RNF141: variants seen among roughly 807,000 people sequenced by gnomAD.
The protein encoded by RNF141 is C3HC4-like zinc finger protein.
Under a neutral mutation model 27.4 loss-of-function variants are expected in RNF141, and 18 were observed. The ratio of observed to expected loss-of-function variants is 0.66; its 90% confidence interval spans 0.45 to 0.97. The LOEUF (loss-of-function observed/expected upper bound fraction) is 0.97. Among genes scored for constraint, RNF141 ranks in the 50% least tolerant of loss-of-function variants. The pLI, the probability that RNF141 is intolerant of heterozygous loss-of-function variation, is 0.00. For missense variants in RNF141, 230 were observed against 279.4 expected, an observed-to-expected ratio of 0.82 and a Z score of 1.26; for synonymous variants, 97 against 96.6, an observed-to-expected ratio of 1.00 and a Z score of -0.02.
At chr11:10,527,021 G>T (rs1849942259) in intron 3 of RNF141, among the ~76,000 whole-genome samples, 1 of 152,216 alleles carries the variant, frequency 6.6e-6, no homozygotes, top group Non-Finnish European at 1.5e-5. Context: ...TAGTCCTTTG[G>T]AACTGCATAG....
chr11:10,514,708 G>A lies in RNF141; in HGVS notation c.*208C>T. On this transcript the variant is annotated 3_prime_UTR_variant, in exon 6 of 6. Coordinates refer to ENST00000265981, the MANE Select transcript of RNF141 (RefSeq NM_016422.4). ...GAACAGATAAATAATAGGAAAATAT[G>A]GTCTAAAACAGTAGCAAATTTTAGT... is the stretch of plus-strand genomic sequence containing the variant. The A allele has an allele frequency of 2.2e-6, 1 of 453,586 alleles. No individual in the cohort carries two copies. Among genetic ancestry groups the A allele is most frequent in the Non-Finnish European group, 3.8e-6 (1 of 261,156 alleles). The allele number at this position is 453,586 out of a possible 1,614,324, so 28.1% of individuals were successfully genotyped here.
At chr11:10,536,515 ATTT>A (rs2133976857) in intron 1 of RNF141, among the ~76,000 whole-genome samples, 1 of 152,344 alleles carries the variant, frequency 6.6e-6, no homozygotes, top group East Asian at 1.9e-4. Context: ...CTTACATGCT[ATTT>A]AATATGACTA....
chr11:10,525,432 C>A, intron 3 of RNF141, 59 bp from the exon 4 acceptor site: 2 of 1,306,324 alleles, frequency 1.5e-6, no homozygotes, highest in African/African-American at 1.5e-5. Context: ...CAATTTTTCC[C>A]AAAAAGGGGG....
At chr11:10,519,011 C>T (rs1338145983) in intron 5 of RNF141, 23 bp downstream of exon 5, 1 of 1,591,646 alleles carries the variant, frequency 6.3e-7, no homozygotes, top group Non-Finnish European at 8.6e-7. Context: ...TGGCCCAGCC[C>T]ATGAATGCAG....
chr11:10,529,558 A>C (rs954689948), intron 3 of RNF141, among the ~76,000 whole-genome samples: 2 of 152,224 alleles, frequency 1.3e-5, no homozygotes, highest in Non-Finnish European at 2.9e-5. Flanking sequence ...TTGGAGTCAT[A>C]TTGTAGGAGT....
At chr11:10,534,552 T>C (rs567136509) in intron 1 of RNF141, among the ~76,000 whole-genome samples, 3 of 152,260 alleles carry the variant, frequency 2.0e-5, no homozygotes, top group Admixed American at 2.0e-4. Context: ...CTTCTATAAT[T>C]TTCCTAAGAA....
intron 1 of RNF141, among the ~76,000 whole-genome samples, chr11:10,538,671 T>C (rs1850058363): frequency 6.6e-6 from 1 of 152,218 alleles, no homozygotes; most frequent in Non-Finnish European, 1.5e-5. Context: ...CCATTGGCAG[T>C]TTTTGTTTTA....
At chr11:10,517,898 T>C (rs1387608659) in intron 5 of RNF141, among the ~76,000 whole-genome samples, 1 of 152,138 alleles carries the variant, frequency 6.6e-6, no homozygotes, top group Non-Finnish European at 1.5e-5. Context: ...TATTTCCATA[T>C]ACTAGTATCA....
chr11:10,538,104 T>C (rs1036967669), intron 1 of RNF141, among the ~76,000 whole-genome samples: 8 of 152,238 alleles, frequency 5.3e-5, no homozygotes, highest in African/African-American at 1.9e-4. Flanking sequence ...TAGAAAATGA[T>C]CCCCTTTGTT....
At chr11:10,516,360 C>G (rs548245615) in intron 5 of RNF141, 1 of 152,184 alleles carries the variant, frequency 6.6e-6, no homozygotes, top group African/African-American at 2.4e-5. Flanking sequence ...ACAGTGATCC[C>G]TGGGACATGG....
Position 10,519,033 on chromosome 11 carries a change from C to A in RNF141, c.542+1G>T, listed in dbSNP as rs1167145512. ...GCCCATGAATGCAGTAGGTAACTTA[C>A]CATTTATCAATACACTTCTGACAAA... On this transcript the variant is annotated splice_donor_variant, in intron 5 of 5. Coordinates refer to ENST00000265981, the MANE Select transcript of RNF141 (RefSeq NM_016422.4). LOFTEE classifies it high-confidence loss of function. The A allele has an allele frequency of 6.2e-7, 1 of 1,612,916 alleles. No homozygotes were observed. Among genetic ancestry groups the A allele is most frequent in the Admixed American group, 1.7e-5 (1 of 59,962 alleles).
intron 2 of RNF141, 70 bp from the exon 3 acceptor site, chr11:10,530,821 C>A: frequency 1.2e-6 from 1 of 825,612 alleles, no homozygotes; most frequent in Non-Finnish European, 1.8e-6. Context: ...AGCCATGAAA[C>A]TAGATTCAAG....
rs1849813020 is a variant in RNF141, at chr11:10,512,890, T to C, written c.*2026A>G. On this transcript the variant is annotated 3_prime_UTR_variant, in exon 6 of 6. Transcript: ENST00000265981. ...AATCACATTTATAGTATATAAAGTT[T>C]ATATAATAAGGAAATTTATAATAAT... is the stretch of plus-strand genomic sequence containing the variant. The C allele has an allele frequency of 6.6e-6, 1 of 152,208 alleles. No individual in the cohort carries two copies. The highest frequency in any genetic ancestry group is 1.5e-5 in the Non-Finnish European group (1 of 68,032). The allele number at this position is 152,208 out of a possible 1,614,324, so 9.4% of individuals were successfully genotyped here.
chr11:10,516,930 A>C (rs1849847637), intron 5 of RNF141: 1 of 152,216 alleles, frequency 6.6e-6, no homozygotes. Context: ...TAGGAATACA[A>C]AAATATCCAA....
intron 1 of RNF141, 164 bp downstream of exon 1, chr11:10,540,958 C>G (rs1279059420): frequency 4.5e-4 from 68 of 152,244 alleles, no homozygotes; most frequent in Admixed American, 4.4e-3. Flanking sequence ...CCCAGCCGTC[C>G]CCACGCCCCA....
chr11:10,530,492 A>G (rs1849975843), intron 3 of RNF141, 151 bp downstream of exon 3: 2 of 432,812 alleles, frequency 4.6e-6, no homozygotes, highest in Non-Finnish European at 8.3e-6. Flanking sequence ...TCAAACAGCT[A>G]GTTAGAAGGC....
intron 4 of RNF141, among the ~76,000 whole-genome samples, 171 bp downstream of exon 4, chr11:10,525,021 G>A (rs138923608): frequency 1.8e-4 from 28 of 151,462 alleles, no homozygotes; most frequent in African/African-American, 5.1e-4. Context: ...ATTTAGCACT[G>A]TAACAACATC....
intron 3 of RNF141, among the ~76,000 whole-genome samples, chr11:10,529,728 T>C (rs761066689): frequency 6.6e-6 from 1 of 152,206 alleles, no homozygotes; most frequent in Non-Finnish European, 1.5e-5. Flanking sequence ...TCTGTGATAA[T>C]CTGGATCAGA....
chr11:10,525,888 A>G (rs1435112702), intron 3 of RNF141, among the ~76,000 whole-genome samples: 1 of 152,156 alleles, frequency 6.6e-6, no homozygotes, highest in Admixed American at 6.5e-5. Flanking sequence ...CTTTTCCCAG[A>G]AGGCCATTTT....
Sources: allele counts gnomAD v4.1 joint callset (sites outside exome capture counted in the v4.1 genomes callset), GRCh38; gene constraint gnomAD v4.1.1; transcripts MANE v1.5; gene names NCBI Gene and HGNC (gene_info 2026-07-23, HGNC 2026-07-21).